Variants in LGALS9C observed in about 807,000 individuals in gnomAD.
The protein encoded by LGALS9C is galectin 9C.
In LGALS9C, 7 loss-of-function variants were observed where a neutral mutation model predicts 41.3. That is an observed-to-expected ratio of 0.17 (90% CI 0.10 to 0.32). The LOEUF is 0.32. Ranked by LOEUF, LGALS9C falls within the 10% of genes least tolerant of loss-of-function variation. The pLI is 1.00. For synonymous variants in LGALS9C, 44 were observed against 171.0 expected (o/e 0.26, Z 5.80); for missense variants, 102 against 455.2 (o/e 0.22, Z 7.06).
chr17:18,476,898 G>A lies in LGALS9C; in HGVS notation c.39+5G>A. On this transcript the variant is annotated splice_donor_5th_base_variant and intron_variant, in intron 1 of 10. Coordinates refer to ENST00000328114, the MANE Select transcript of LGALS9C (RefSeq NM_001040078.3). ...CAGGCTCCCTATCTGAGCCCAGTGA[G>A]TTCCGGGGCCGTGGGCACAGGGCTG... is the stretch of plus-strand genomic sequence containing the variant. 2.5e-6 allele frequency: 4 copies of A among 1,600,622 alleles called. No individual in the cohort carries two copies. Among genetic ancestry groups the A allele is most frequent in the African/African-American group, 1.3e-5 (1 of 74,818 alleles).
Position 18,485,944 on chromosome 17 carries a change from G to A in LGALS9C, c.142G>A (p.Asp48Asn), listed in dbSNP as rs1288107952. 2.4e-6 allele frequency: 3 copies of A among 1,246,928 alleles called. 1 individual carries two copies. The highest frequency in any genetic ancestry group is 3.4e-6 in the Non-Finnish European group (3 of 884,336). The allele number at this position is 1,246,928 out of a possible 1,614,324, so 77.2% of individuals were successfully genotyped here. A position where few individuals can be genotyped will look rare whatever the true frequency, so the allele number is the denominator to read the frequency against. The change falls in exon 3 of 11, where the codon GAC (aspartate) becomes AAC (asparagine). Residue 48 changes from aspartate to asparagine, a missense_variant. By Grantham distance (23) the Asp-to-Asn change is conservative. Transcript: ENST00000328114. Reference sequence around the variant, plus strand: ...TTTTCCTGGGCCTAGGTTTGCTGTGGACTTTCAGACGGGCTTCAGTGGAAA... The same window carrying A: ...TTTTCCTGGGCCTAGGTTTGCTGTGAACTTTCAGACGGGCTTCAGTGGAAA... ...LSCSGTRFAV[D>N]FQTGFSGNDI... is the part of the protein sequence containing the mutation.
rs903483774 is a variant in LGALS9C, at chr17:18,489,911, G to A, written c.541-822G>A. ...GAAGAATGGATGAATGTGGAATGTG[G>A]TTTTCGCAGCCAGGGAGAATGGGAT... On this transcript the variant is annotated intron_variant, in intron 5 of 10. Transcript: ENST00000328114. 4 of 116,672 alleles carry A rather than the reference G, an allele frequency of 3.4e-5. 2 individuals carry two copies. The highest frequency in any genetic ancestry group is 1.2e-4 in the African/African-American group (4 of 32,320). 7.2% of individuals were successfully genotyped at this position (116,672 alleles called of 1,614,324 possible).
chr17:18,484,751 T>C (rs1989530079), intron 2 of LGALS9C, among the ~76,000 whole-genome samples: 1 of 151,042 alleles, frequency 6.6e-6, no homozygotes, highest in African/African-American at 2.4e-5. Context: ...CTGGGCCTCG[T>C]AGATGCCAGC....
rs958429357 is a variant in LGALS9C at position 18,477,048 on chromosome 17, C to T, written c.39+155C>T. Among the ~76,000 whole-genome samples the T allele has an allele frequency of 1.5e-5, 2 of 134,770 alleles. 1 individual carries two copies. The highest frequency in any genetic ancestry group is 5.0e-5 in the African/African-American group (2 of 40,304). The allele number at this position is 134,770 out of a possible 152,430, so 88.4% of individuals were successfully genotyped here. On this transcript the variant is annotated intron_variant, in intron 1 of 10. Coordinates refer to ENST00000328114, the MANE Select transcript of LGALS9C (RefSeq NM_001040078.3). ...GAAATGTCAGTGGGGGTCGTCCTGGCACAGCTGTGCCATGCTGAGCTCACT... is the reference window on the plus strand; with the variant it reads ...GAAATGTCAGTGGGGGTCGTCCTGGTACAGCTGTGCCATGCTGAGCTCACT...
At chr17:18,477,837 G>A (rs1381956986) in intron 1 of LGALS9C, among the ~76,000 whole-genome samples, 1 of 128,724 alleles carries the variant, frequency 7.8e-6, no homozygotes, top group Non-Finnish European at 1.9e-5. Context: ...TGGGTGGGCT[G>A]ATGGGCCCTT....
intron 1 of LGALS9C, among the ~76,000 whole-genome samples, chr17:18,479,264 G>C (rs1188902580): frequency 7.8e-6 from 1 of 128,686 alleles, no homozygotes; most frequent in African/African-American, 2.5e-5. Context: ...GCACAACCAG[G>C]AACAGAGAGT....
intron 1 of LGALS9C, among the ~76,000 whole-genome samples, chr17:18,478,765 A>C (rs1375525406): frequency 1.1e-3 from 67 of 60,418 alleles, no homozygotes; most frequent in Non-Finnish European, 2.4e-3. Context: ...CTGGGGTTCA[A>C]ATCCCAGCTC....
Position 18,488,769 on chromosome 17 carries a change from G to C in LGALS9C, c.445-172G>C, listed in dbSNP as rs954120097. On this transcript the variant is annotated intron_variant, in intron 4 of 10. Coordinates refer to ENST00000328114, the MANE Select transcript of LGALS9C (RefSeq NM_001040078.3). Reference sequence around the variant, plus strand: ...AGCTGGAGGGAGACTGTCCCCCTGCGCTGCTCACCGAAGCCTGGCCCTTTC... The same window carrying C: ...AGCTGGAGGGAGACTGTCCCCCTGCCCTGCTCACCGAAGCCTGGCCCTTTC... 5.9e-5 allele frequency among the ~76,000 whole-genome samples: 8 copies of C among 134,960 alleles called. 1 individual carries two copies. Among genetic ancestry groups the C allele is most frequent in the Non-Finnish European group, 1.2e-4 (7 of 58,344 alleles). 88.5% of individuals were successfully genotyped at this position (134,960 alleles called of 152,430 possible).
rs551046812 is a variant in LGALS9C at position 18,494,623 on chromosome 17, G to A, written c.*256G>A. On this transcript the variant is annotated 3_prime_UTR_variant, in exon 11 of 11. Transcript: ENST00000328114. The stretch of plus-strand genomic sequence containing the variant: ...GGAATCCTACAATCCCAGAAGGCGG[G>A]CACAGCCAGGGAGAGGGGAGGAGTG... 2.1e-5 allele frequency: 12 copies of A among 572,788 alleles called. 1 individual carries two copies. Among genetic ancestry groups the A allele is most frequent in the Admixed American group, 1.2e-4 (4 of 32,318 alleles). The allele number at this position is 572,788 out of a possible 1,614,324, so 35.5% of individuals were successfully genotyped here. A position where few individuals can be genotyped will look rare whatever the true frequency, so the allele number is the denominator to read the frequency against.
At chr17:18,484,836 G>C (rs1989534482) in intron 2 of LGALS9C, among the ~76,000 whole-genome samples, 1 of 150,232 alleles carries the variant, frequency 6.7e-6, no homozygotes, top group Admixed American at 6.6e-5. Context: ...ACTTCTCTGA[G>C]AGCCTGCAGT....
intron 2 of LGALS9C, among the ~76,000 whole-genome samples, chr17:18,485,115 GTCTC>G (rs1989545632): frequency 7.8e-6 from 1 of 128,976 alleles, no homozygotes. Context: ...GAAGCTGAAG[GTCTC>G]CAAAGGAAAA....
intron 1 of LGALS9C, among the ~76,000 whole-genome samples, chr17:18,480,728 CTTTT>C (rs1989361015): frequency 9.4e-6 from 1 of 106,912 alleles, no homozygotes; most frequent in African/African-American, 3.0e-5. Context: ...TGTTGGAAGA[CTTTT>C]AGGCTCCTTC....
rs1001523080 is a variant in LGALS9C, at chr17:18,492,323, T to A, written c.673-134T>A. 1.7e-6 allele frequency: 2 copies of A among 1,200,200 alleles called. 1 individual carries two copies. Among genetic ancestry groups the A allele is most frequent in the Non-Finnish European group, 2.4e-6 (2 of 849,898 alleles). The allele number at this position is 1,200,200 out of a possible 1,614,324, so 74.3% of individuals were successfully genotyped here. On this transcript the variant is annotated intron_variant, in intron 8 of 10. Coordinates refer to ENST00000328114, the MANE Select transcript of LGALS9C (RefSeq NM_001040078.3). ...CCGGAAAGTTTTCCTTTGGCTTTTA[T>A]GGAACCAAGGAAAGATATCGTGGGC... is the stretch of plus-strand genomic sequence containing the variant.
At chr17:18,477,471 G>A (rs1165578456) in intron 1 of LGALS9C, among the ~76,000 whole-genome samples, 5 of 123,586 alleles carry the variant, frequency 4.0e-5, no homozygotes, top group African/African-American at 5.1e-5. Context: ...GGTGCAGCAG[G>A]GAAGGCCTCC....
intron 3 of LGALS9C, chr17:18,487,024 G>C (rs1989613149): frequency 6.1e-6 from 1 of 163,422 alleles, no homozygotes; most frequent in Non-Finnish European, 1.3e-5. Context: ...TCATACCCTG[G>C]AACTTAAAAT....
intron 10 of LGALS9C, among the ~76,000 whole-genome samples, chr17:18,493,178 C>T (rs1398269115): frequency 2.5e-5 from 3 of 121,636 alleles, no homozygotes; most frequent in South Asian, 2.7e-4. Flanking sequence ...ACTCATTCAA[C>T]GATTTCACTG....
At chr17:18,493,778 G>GT (rs1263628392) in intron 10 of LGALS9C, among the ~76,000 whole-genome samples, 1 of 143,296 alleles carries the variant, frequency 7.0e-6, no homozygotes, top group Non-Finnish European at 1.6e-5. Context: ...GAATGAGGCA[G>GT]TATCTGTAGC....
intron 3 of LGALS9C, chr17:18,487,018 AC>A (rs1989612782): frequency 6.2e-6 from 1 of 161,762 alleles, no homozygotes; most frequent in Non-Finnish European, 1.4e-5. Context: ...CTATACTCAT[AC>A]CCTGGAACTT....
chr17:18,492,655 AG>A, intron 9 of LGALS9C, 41 bp from the exon 10 acceptor site: 1 of 1,514,194 alleles, frequency 6.6e-7, no homozygotes, highest in Middle Eastern at 1.9e-4. Flanking sequence ...AATGGGGCTC[AG>A]AACTCAGTGG....
Sources: gnomAD v4.1 joint callset for allele counts (sites outside exome capture counted in the v4.1 genomes callset) on GRCh38, gnomAD v4.1.1 for gene constraint, MANE v1.5 for transcripts, NCBI Gene and HGNC (gene_info 2026-07-23, HGNC 2026-07-21) for gene names.